The following SLC16A7 variants were observed in gnomAD, a reference collection of about 807,000 sequenced individuals.
The protein encoded by SLC16A7 is solute carrier family 16 member 7.
A neutral mutation model predicts 34.9 loss-of-function variants in SLC16A7; 33 were observed. That is an observed-to-expected ratio of 0.94 (90% CI 0.72 to 1.26). SLC16A7 has a LOEUF of 1.26. SLC16A7 is among the 50% of genes most tolerant of loss of function. The pLI, the probability that SLC16A7 is intolerant of heterozygous loss-of-function variation, is 0.00. For missense variants in SLC16A7, 573 were observed against 578.1 expected, an observed-to-expected ratio of 0.99 and a Z score of 0.09; for synonymous variants, 201 against 206.6, an observed-to-expected ratio of 0.97 and a Z score of 0.23.
At chr12:59,751,004 T>A (rs1270383119) in intron 3 of SLC16A7, among the ~76,000 whole-genome samples, 1 of 134,764 alleles carries the variant, frequency 7.4e-6, no homozygotes, top group Non-Finnish European at 1.5e-5. Flanking sequence ...AAGTGGGAGT[T>A]GAACAATAAG....
intron 3 of SLC16A7, chr12:59,768,108 C>T (rs1211771728): frequency 2.4e-5 from 11 of 449,018 alleles, no homozygotes; most frequent in Non-Finnish European, 3.6e-5. Flanking sequence ...AATTTAAATA[C>T]ATTTTGTAAG....
rs1883370659 is a variant in SLC16A7, at chr12:59,783,228, C to T, written c.*3549C>T. On this transcript the variant is annotated 3_prime_UTR_variant, in exon 6 of 6. Transcript: ENST00000547379. ...TAAAACAAAAATTATTATTTTTAGGCTTAATTTAATAGGGAGATTGGATGC... is the reference window on the plus strand; with the variant it reads ...TAAAACAAAAATTATTATTTTTAGGTTTAATTTAATAGGGAGATTGGATGC... The T allele has an allele frequency of 6.6e-6, 1 of 151,522 alleles. No homozygotes were observed. The highest frequency in any genetic ancestry group is 1.5e-5 in the Non-Finnish European group (1 of 68,000). The allele number at this position is 151,522 out of a possible 1,614,324, so 9.4% of individuals were successfully genotyped here.
intron 2 of SLC16A7, among the ~76,000 whole-genome samples, chr12:59,683,075 A>AC (rs1309259461): frequency 6.6e-6 from 1 of 152,138 alleles, no homozygotes; most frequent in East Asian, 1.9e-4. Flanking sequence ...TTGAAAAAAA[A>AC]AATTGCATAT....
At position 59,704,635 on chromosome 12, in the gene SLC16A7, G is replaced by A. The variant is rs906834114; in HGVS notation, c.-30-137G>A. ...TTTGTACATTTTCTGGTAATTTTCT[G>A]AGTATAAGAGTGTGAAAAATATTCA... On this transcript the variant is annotated intron_variant, in intron 2 of 5. Transcript: ENST00000547379. 11 of 527,522 alleles carry A rather than the reference G, an allele frequency of 2.1e-5. No homozygotes were observed. The Admixed American group carries it at 3.6e-4, about 17-fold the overall frequency. 32.7% of individuals were successfully genotyped at this position (527,522 alleles called of 1,614,324 possible).
intron 1 of SLC16A7, among the ~76,000 whole-genome samples, chr12:59,649,078 T>C (rs1258941714): frequency 1.3e-5 from 2 of 152,138 alleles, no homozygotes; most frequent in Non-Finnish European, 1.5e-5. Flanking sequence ...AGCCACAAAA[T>C]GGAAGTAGGA....
intron 2 of SLC16A7, among the ~76,000 whole-genome samples, chr12:59,664,227 A>G (rs1440195843): frequency 1.3e-5 from 2 of 152,154 alleles, no homozygotes; most frequent in Non-Finnish European, 2.9e-5. Flanking sequence ...CAAAATGCTT[A>G]CCTAGAATAT....
Position 59,762,194 on chromosome 12 carries a change from A to T in SLC16A7, c.218-9025A>T, listed in dbSNP as rs1171091859. Among the ~76,000 whole-genome samples, 6 of 152,032 alleles carry T rather than the reference A, an allele frequency of 3.9e-5. No homozygotes were observed. In the East Asian group the frequency reaches 9.7e-4, roughly 25 times the overall value. On this transcript the variant is annotated intron_variant, in intron 3 of 5. Coordinates refer to ENST00000547379, the MANE Select transcript of SLC16A7 (RefSeq NM_001270623.2). ...TAAGTTGTTCTGTTTTTCACCTGCT[A>T]TTTGAGAAATTTTTTACAATTTTCG...
At chr12:59,620,806 T>G (rs1879666022) in intron 1 of SLC16A7, among the ~76,000 whole-genome samples, 1 of 151,790 alleles carries the variant, frequency 6.6e-6, no homozygotes. Flanking sequence ...CCAATAAAAT[T>G]AGGCACATGA....
rs1483080927 is a variant in SLC16A7, at chr12:59,771,351, G to T, written c.350G>T (p.Gly117Val). The change falls in exon 4 of 6, where the codon GGA becomes GTA. Residue 117 changes from glycine to valine, a missense_variant. Physicochemically the swap from Gly to Val is moderately radical, Grantham distance 109. Transcript: ENST00000547379. ...GTGGTACAGCTGTACCTCACTATGGGATTCATTACAGGTAAGCCATTTAGT... is the reference window on the plus strand; with the variant it reads ...GTGGTACAGCTGTACCTCACTATGGTATTCATTACAGGTAAGCCATTTAGT... ...SSVVQLYLTM[G>V]FITGLGLAFN... 6.2e-7 allele frequency: 1 copy of T among 1,601,586 alleles called. No homozygotes were observed. The highest frequency in any genetic ancestry group is 1.7e-4 in the Middle Eastern group (1 of 6,014).
At chr12:59,722,413 C>T (rs1266847472) in intron 3 of SLC16A7, among the ~76,000 whole-genome samples, 10 of 151,810 alleles carry the variant, frequency 6.6e-5, no homozygotes, top group Non-Finnish European at 7.4e-5. Context: ...TCTGAATATA[C>T]CTACCAATGA....
At chr12:59,663,727 C>A (rs1868979459) in intron 2 of SLC16A7, among the ~76,000 whole-genome samples, 1 of 151,914 alleles carries the variant, frequency 6.6e-6, no homozygotes, top group African/African-American at 2.4e-5. Flanking sequence ...GCTTTTATTT[C>A]ATTTTAGTTT....
chr12:59,679,566 A>T (rs1393437021), intron 2 of SLC16A7, among the ~76,000 whole-genome samples: 1 of 152,174 alleles, frequency 6.6e-6, no homozygotes. Context: ...TTCTCCTCTT[A>T]GCCCCTTAGA....
intron 1 of SLC16A7, among the ~76,000 whole-genome samples, chr12:59,618,730 T>C (rs1342865490): frequency 6.6e-6 from 1 of 151,984 alleles, no homozygotes; most frequent in Non-Finnish European, 1.5e-5. Context: ...CACATAGATA[T>C]TATGATCAAG....
intron 1 of SLC16A7, among the ~76,000 whole-genome samples, chr12:59,648,855 C>G (rs1298503865): frequency 6.6e-6 from 1 of 152,116 alleles, no homozygotes; most frequent in Non-Finnish European, 1.5e-5. Context: ...AAGTAGAGAT[C>G]ATGAATTCTA....
At chr12:59,701,557 T>A (rs1174042177) in intron 2 of SLC16A7, among the ~76,000 whole-genome samples, 1 of 151,698 alleles carries the variant, frequency 6.6e-6, no homozygotes, top group East Asian at 1.9e-4. Context: ...AAGTTCAAAT[T>A]ATTTTAATAT....
chr12:59,757,923 A>T (rs948134316), intron 3 of SLC16A7, among the ~76,000 whole-genome samples: 1 of 152,138 alleles, frequency 6.6e-6, no homozygotes, highest in African/African-American at 2.4e-5. Flanking sequence ...AATGTGCGTT[A>T]ATCTATTATT....
At chr12:59,774,296 A>G (rs1310791994) in intron 4 of SLC16A7, among the ~76,000 whole-genome samples, 4 of 152,104 alleles carry the variant, frequency 2.6e-5, no homozygotes, top group South Asian at 2.1e-4. Context: ...ATATGTGTAT[A>G]TAAGTATATG....
intron 1 of SLC16A7, among the ~76,000 whole-genome samples, chr12:59,607,579 T>G (rs1038591644): frequency 1.3e-5 from 2 of 152,138 alleles, no homozygotes; most frequent in Admixed American, 6.5e-5. Flanking sequence ...ATTTATTCAC[T>G]GGATAAAACT....
chr12:59,623,618 TTATC>T (rs1879795398), intron 1 of SLC16A7, among the ~76,000 whole-genome samples: 1 of 151,822 alleles, frequency 6.6e-6, no homozygotes, highest in Admixed American at 6.6e-5. Flanking sequence ...TGATGATGTT[TTATC>T]TATCAAACTT....
Sources: allele counts gnomAD v4.1 joint callset (sites outside exome capture counted in the v4.1 genomes callset), GRCh38; gene constraint gnomAD v4.1.1; transcripts MANE v1.5; gene names NCBI Gene and HGNC (gene_info 2026-07-23, HGNC 2026-07-21).